Variants in SENP7 observed in about 807,000 individuals in gnomAD.
SENP7 encodes sentrin-specific protease 7.
A neutral mutation model predicts 141.2 loss-of-function variants in SENP7; 64 were observed. That is an observed-to-expected ratio of 0.45 (90% CI 0.37 to 0.56). SENP7 has a LOEUF of 0.56. Among genes scored for constraint, SENP7 ranks in the 20% least tolerant of loss-of-function variants. The probability of loss-of-function intolerance (pLI) is 0.00; values close to 1 mark genes in which losing one functional copy is unlikely to be tolerated. For synonymous variants in SENP7, 382 were observed against 426.4 expected, an observed-to-expected ratio of 0.90 and a Z score of 1.28; for missense variants, 1,025 against 1,212.2, an observed-to-expected ratio of 0.85 and a Z score of 2.29.
At chr3:101,357,622 G>A (rs1406266407) in intron 11 of SENP7, 3 of 871,256 alleles carry the variant, frequency 3.4e-6, no homozygotes, top group African/African-American at 1.7e-5. Context: ...AGTGTAAGGT[G>A]CACAAAAGCG....
intron 6 of SENP7, among the ~76,000 whole-genome samples, chr3:101,391,644 A>G (rs2060819729): frequency 6.6e-6 from 1 of 152,194 alleles, no homozygotes; most frequent in Non-Finnish European, 1.5e-5. Context: ...TTTATTGCTG[A>G]ATTCTATCAA....
chr3:101,425,911 G>A (rs1184177740), intron 4 of SENP7, among the ~76,000 whole-genome samples: 1 of 152,154 alleles, frequency 6.6e-6, no homozygotes, highest in Admixed American at 6.5e-5. Context: ...AAGAATCTCA[G>A]TGCCTGAAGA....
At chr3:101,351,199 C>T (rs547880759) in intron 12 of SENP7, among the ~76,000 whole-genome samples, 24 of 152,072 alleles carry the variant, frequency 1.6e-4, no homozygotes, top group African/African-American at 5.8e-4. Context: ...CTATAAGTTA[C>T]AGGTACATTT....
chr3:101,417,738 A>C lies in SENP7; in HGVS notation c.337T>G (p.Phe113Val). 6.2e-7 allele frequency: 1 copy of C among 1,613,906 alleles called. No individual in the cohort carries two copies. The highest frequency in any genetic ancestry group is 8.5e-7 in the Non-Finnish European group (1 of 1,179,884). Residue 113 changes from phenylalanine (F) to valine (V), a missense_variant, in exon 5 of 24, where the codon TTC (phenylalanine) becomes GTC (valine). Around this residue, in one of 4 missense-constraint regions of SENP7, gnomAD observed 496 missense variants for 503.5 expected, o/e 0.99. Transcript: ENST00000394095. ...NVLWTDLGRK[F>V]RKTLPRNDAN... ...TCGTTTCTAGGTAGGGTCTTTCTGA[A>C]TTTTCGTCCTAAATCCGTCCATAGG...
chr3:101,474,758 G>C (rs1435867364), intron 3 of SENP7, among the ~76,000 whole-genome samples: 1 of 152,144 alleles, frequency 6.6e-6, no homozygotes, highest in Non-Finnish European at 1.5e-5. Flanking sequence ...TCTTCTGGCA[G>C]TTTTTAAGGG....
At chr3:101,338,808 T>C (rs908125804) in intron 16 of SENP7, among the ~76,000 whole-genome samples, 2 of 152,194 alleles carry the variant, frequency 1.3e-5, no homozygotes, top group African/African-American at 2.4e-5. Flanking sequence ...TTGGGTAGAA[T>C]ACTCAAAAAG....
intron 4 of SENP7, chr3:101,457,579 A>C: frequency 6.3e-7 from 1 of 1,594,744 alleles, no homozygotes; most frequent in Non-Finnish European, 8.6e-7. Flanking sequence ...TTTACCCCTA[A>C]CTTCTTTAAG....
chr3:101,344,696 A>G (rs1244559054), intron 13 of SENP7, among the ~76,000 whole-genome samples: 8 of 152,356 alleles, frequency 5.3e-5, no homozygotes. Flanking sequence ...CATATGGGAA[A>G]GTATTCAACC....
chr3:101,479,269 T>TCTG (rs1213268148), intron 3 of SENP7, among the ~76,000 whole-genome samples: 8 of 152,202 alleles, frequency 5.3e-5, no homozygotes, highest in Non-Finnish European at 4.4e-5. Context: ...TATCCCTCTT[T>TCTG]GCAGAAGACA....
intron 1 of SENP7, among the ~76,000 whole-genome samples, chr3:101,503,100 T>C (rs935966246): frequency 3.3e-5 from 5 of 152,084 alleles, no homozygotes; most frequent in African/African-American, 9.7e-5. Flanking sequence ...TGGACAAAAG[T>C]CTGAATAGGC....
chr3:101,395,165 C>A (rs943566029), intron 6 of SENP7, among the ~76,000 whole-genome samples: 1 of 152,154 alleles, frequency 6.6e-6, no homozygotes, highest in Non-Finnish European at 1.5e-5. Flanking sequence ...AATATAGTCT[C>A]ATTTATGTAT....
chr3:101,398,822 A>G (rs2061048033), intron 6 of SENP7, 39 bp downstream of exon 6: 1 of 1,369,160 alleles, frequency 7.3e-7, no homozygotes, highest in South Asian at 1.4e-5. Flanking sequence ...ACATAAAAAT[A>G]AATATAATTA....
intron 18 of SENP7, 78 bp downstream of exon 18, chr3:101,332,692 G>T: frequency 1.1e-6 from 1 of 911,210 alleles, no homozygotes. Context: ...AATTTTTACT[G>T]ATTATGAATC....
intron 16 of SENP7, among the ~76,000 whole-genome samples, chr3:101,338,235 A>G (rs528572414): frequency 2.6e-5 from 4 of 152,272 alleles, no homozygotes; most frequent in Admixed American, 6.5e-5. Context: ...ACACAAAACA[A>G]GAGGGGAAAA....
chr3:101,368,916 T>C (rs2060109270), intron 7 of SENP7, among the ~76,000 whole-genome samples: 1 of 152,126 alleles, frequency 6.6e-6, no homozygotes. Context: ...GGAGACAAAA[T>C]ACCTTTGCTC....
At chr3:101,347,167 A>G (rs1671907206) in intron 13 of SENP7, among the ~76,000 whole-genome samples, 1 of 151,722 alleles carries the variant, frequency 6.6e-6, no homozygotes. Context: ...GGTTGTGGGA[A>G]GCTATGAACA....
intron 6 of SENP7, among the ~76,000 whole-genome samples, chr3:101,378,103 TA>T (rs1489201748): frequency 1.3e-5 from 2 of 151,026 alleles, no homozygotes; most frequent in Admixed American, 1.3e-4. Flanking sequence ...ACCACATTCC[TA>T]AAGGTCTATT....
chr3:101,454,435 C>G (rs570592432), intron 4 of SENP7, among the ~76,000 whole-genome samples: 10 of 152,018 alleles, frequency 6.6e-5, no homozygotes, highest in Non-Finnish European at 1.2e-4. Flanking sequence ...TCGCTTGAGC[C>G]TGGGAGATGG....
chr3:101,327,862 A>G, intron 22 of SENP7, 46 bp from the exon 23 acceptor site: 2 of 1,441,784 alleles, frequency 1.4e-6, no homozygotes, highest in South Asian at 2.5e-5. Flanking sequence ...AAATCTATTT[A>G]TCAGTATGCA....
Sources: gnomAD v4.1 joint callset for allele counts (sites outside exome capture counted in the v4.1 genomes callset) on GRCh38, gnomAD v4.1.1 for gene constraint, gnomAD v4.1.1 regional missense constraint, MANE v1.5 for transcripts, NCBI Gene and HGNC (gene_info 2026-07-23, HGNC 2026-07-21) for gene names.